Variants in KCNK13 observed in about 807,000 individuals in gnomAD.
KCNK13 encodes potassium channel subfamily K member 13.
KCNK13 carries 12 observed loss-of-function variants against 23.4 expected under a neutral mutation model. The observed-to-expected ratio is 0.51, with a 90% CI of 0.33 to 0.83. The LOEUF (loss-of-function observed/expected upper bound fraction) is 0.83. KCNK13 is among the 40% of genes least tolerant of loss of function. KCNK13 has a pLI of 0.02. For missense variants in KCNK13, 463 were observed against 556.3 expected, an observed-to-expected ratio of 0.83 and a Z score of 1.69; for synonymous variants, 231 against 229.5, an observed-to-expected ratio of 1.01 and a Z score of -0.06.
chr14:90,112,046 GTCT>G (rs1889621442), intron 1 of KCNK13, among the ~76,000 whole-genome samples: 1 of 152,202 alleles, frequency 6.6e-6, no homozygotes, highest in Non-Finnish European at 1.5e-5. Flanking sequence ...GAGCTGGGAC[GTCT>G]TCTCTTAGAT....
intron 1 of KCNK13, among the ~76,000 whole-genome samples, chr14:90,078,450 G>GAGGAAGGAAGGAAGGAGGGAGGGAAGGA: frequency 6.7e-6 from 1 of 149,296 alleles, no homozygotes; most frequent in Admixed American, 6.7e-5. Context: ...AAAAGAAAGA[G>GAGGAAGGAAGGAAGGAGGGAGGGAAGGA]AGGAAGGAAG....
intron 1 of KCNK13, among the ~76,000 whole-genome samples, chr14:90,079,233 A>C (rs930283379): frequency 3.9e-5 from 6 of 152,176 alleles, no homozygotes; most frequent in Non-Finnish European, 5.9e-5. Flanking sequence ...GTCTTTGGGC[A>C]GTTTCTCTAA....
intron 1 of KCNK13, among the ~76,000 whole-genome samples, chr14:90,069,679 T>TA (rs140503308): frequency 0.29 from 43,561 of 151,976 alleles, 6,502 homozygotes; most frequent in Non-Finnish European, 0.32. Flanking sequence ...TCAGAAAGAA[T>TA]AAAAATATCC....
At chr14:90,073,717 C>G (rs1386342157) in intron 1 of KCNK13, among the ~76,000 whole-genome samples, 4 of 152,204 alleles carry the variant, frequency 2.6e-5, no homozygotes, top group Admixed American at 2.0e-4. Flanking sequence ...GTCACCCAGG[C>G]TGGAGTGCAG....
intron 1 of KCNK13, among the ~76,000 whole-genome samples, chr14:90,159,718 G>A (rs185327246): frequency 5.3e-5 from 8 of 152,296 alleles, no homozygotes; most frequent in Non-Finnish European, 1.0e-4. Flanking sequence ...AAAGTCCTAC[G>A]AGGGTGGTAC....
chr14:90,063,465 T>G (rs2140384488), intron 1 of KCNK13, among the ~76,000 whole-genome samples: 1 of 151,634 alleles, frequency 6.6e-6, no homozygotes, highest in South Asian at 2.1e-4. Context: ...AATAATCAAG[T>G]GATTAATGGG....
chr14:90,102,579 A>G (rs1356060422), intron 1 of KCNK13, among the ~76,000 whole-genome samples: 1 of 152,056 alleles, frequency 6.6e-6, no homozygotes, highest in Non-Finnish European at 1.5e-5. Flanking sequence ...TGACACGGAG[A>G]GTAGAGTCTC....
At chr14:90,086,253 T>A (rs1003010758) in intron 1 of KCNK13, among the ~76,000 whole-genome samples, 2 of 152,158 alleles carry the variant, frequency 1.3e-5, no homozygotes, top group Admixed American at 6.6e-5. Flanking sequence ...ATATACTATA[T>A]TTTTCCTCTC....
chr14:90,064,014 C>G (rs1888978003), intron 1 of KCNK13, among the ~76,000 whole-genome samples: 1 of 152,118 alleles, frequency 6.6e-6, no homozygotes. Flanking sequence ...CCAGAATGGG[C>G]CCAAGATTGG....
chr14:90,062,087 C>T lies in KCNK13; in HGVS notation c.-119C>T. On this transcript the variant is annotated 5_prime_UTR_variant, in exon 1 of 2. Transcript: ENST00000282146. The surrounding 1 kb of genome is among the most constrained non-coding windows in gnomAD (Gnocchi z 4.5). The stretch of plus-strand genomic sequence containing the variant: ...GAGAGCCCGGCGGTCATGGGCGAGC[C>T]GGCGGTGGGGCGCCCGGGAGCTGGC... The T allele has an allele frequency of 3.2e-6, 2 of 631,588 alleles. No individual in the cohort carries two copies. Among genetic ancestry groups the T allele is most frequent in the African/African-American group, 1.9e-5 (1 of 52,292 alleles). 39.1% of individuals were successfully genotyped at this position (631,588 alleles called of 1,614,324 possible).
At chr14:90,171,458 A>C (rs1172124098) in intron 1 of KCNK13, among the ~76,000 whole-genome samples, 2 of 152,224 alleles carry the variant, frequency 1.3e-5, no homozygotes, top group Non-Finnish European at 2.9e-5. Flanking sequence ...GACCCTGAAC[A>C]TGTGAGACAT....
chr14:90,142,387 C>T (rs1438669875), intron 1 of KCNK13, among the ~76,000 whole-genome samples: 4 of 124,084 alleles, frequency 3.2e-5, no homozygotes, highest in Non-Finnish European at 6.3e-5. Context: ...GGCATGATCT[C>T]GGCTCACTGC....
intron 1 of KCNK13, among the ~76,000 whole-genome samples, chr14:90,093,771 A>G (rs763343015): frequency 6.6e-6 from 1 of 152,170 alleles, no homozygotes. Context: ...AGAGCATTCT[A>G]AAGTTTCCTT....
At chr14:90,105,565 T>C (rs1163431201) in intron 1 of KCNK13, among the ~76,000 whole-genome samples, 2 of 152,160 alleles carry the variant, frequency 1.3e-5, no homozygotes, top group Non-Finnish European at 2.9e-5. Flanking sequence ...TTGTGGTCGT[T>C]GAGGGTACTA....
intron 1 of KCNK13, among the ~76,000 whole-genome samples, chr14:90,144,674 G>C (rs1174961301): frequency 2.0e-5 from 3 of 151,548 alleles, no homozygotes; most frequent in African/African-American, 7.3e-5. Context: ...TGCCTGGCTG[G>C]TCTCAAACTC....
intron 1 of KCNK13, among the ~76,000 whole-genome samples, chr14:90,071,047 T>C (rs1889068473): frequency 6.6e-6 from 1 of 152,226 alleles, no homozygotes; most frequent in African/African-American, 2.4e-5. Context: ...GCCCAGCATT[T>C]AGTATTCATA....
chr14:90,065,985 A>G (rs1031526406), intron 1 of KCNK13, among the ~76,000 whole-genome samples: 5 of 152,092 alleles, frequency 3.3e-5, no homozygotes, highest in Admixed American at 1.3e-4. Context: ...CTTTTTTGAG[A>G]CAGAGTCTTG....
chr14:90,107,290 T>C (rs375625790), intron 1 of KCNK13, among the ~76,000 whole-genome samples: 137 of 152,108 alleles, frequency 9.0e-4, no homozygotes, highest in Non-Finnish European at 1.1e-3. Flanking sequence ...CCATCCTGGC[T>C]AACATGGTGA....
chr14:90,090,548 T>A (rs1889332928), intron 1 of KCNK13, among the ~76,000 whole-genome samples: 1 of 152,072 alleles, frequency 6.6e-6, no homozygotes, highest in East Asian at 1.9e-4. Context: ...CTGAAATGAG[T>A]TAAGATTCTG....
Sources: gnomAD v4.1 joint callset for allele counts (sites outside exome capture counted in the v4.1 genomes callset) on GRCh38, gnomAD v4.1.1 for gene constraint, Gnocchi (gnomAD v3.1) non-coding constraint, MANE v1.5 for transcripts, NCBI Gene and HGNC (gene_info 2026-07-23, HGNC 2026-07-21) for gene names.